Variants in SMARCA1 observed in about 807,000 individuals in gnomAD.
SMARCA1 encodes the protein SWI/SNF-related matrix-associated actin-dependent regulator of chromatin subfamily A member 1.
Under a neutral mutation model 93.6 loss-of-function variants are expected in SMARCA1, and 17 were observed. That is an observed-to-expected ratio of 0.18 (90% confidence interval 0.12 to 0.27). SMARCA1 has a LOEUF of 0.27. SMARCA1 is among the 10% of genes least tolerant of loss of function. SMARCA1 has a pLI of 1.00. For synonymous variants in SMARCA1, 271 were observed against 271.4 expected, an observed-to-expected ratio of 1.00 and a Z score of 0.01; for missense variants, 630 against 819.0, an observed-to-expected ratio of 0.77 and a Z score of 2.82.
intron 2 of SMARCA1, 71 bp downstream of exon 2, chrX:129,518,290 T>G (rs1935271943): frequency 1.7e-6 from 1 of 581,321 alleles, no homozygotes; most frequent in South Asian, 3.6e-5. Context: ...TACATGTATT[T>G]TTTCATCTTT....
chrX:129,489,549 CGTTT>C (rs746561641), intron 15 of SMARCA1, among the ~76,000 whole-genome samples: 85 of 111,974 alleles, frequency 7.6e-4, no homozygotes, highest in African/African-American at 1.2e-3. Context: ...ATTTTTTGTT[CGTTT>C]GTTTGTTTGT....
At chrX:129,511,363 G>A (rs1369691098) in intron 6 of SMARCA1, among the ~76,000 whole-genome samples, 1 of 111,965 alleles carries the variant, frequency 8.9e-6, no homozygotes, top group Non-Finnish European at 1.9e-5. Flanking sequence ...ACATGCATAT[G>A]CGTGTGTGTA....
At chrX:129,490,214 T>TA (rs1934068537) in intron 14 of SMARCA1, 22 bp from the exon 15 acceptor site, 1 of 1,117,854 alleles carries the variant, frequency 8.9e-7, no homozygotes, top group South Asian at 2.2e-5. Flanking sequence ...AGTTCTAATG[T>TA]AAGATATTGG....
At chrX:129,466,013 C>T (rs932775543) in intron 21 of SMARCA1, 51 bp from the exon 22 acceptor site, 2 of 599,808 alleles carry the variant, frequency 3.3e-6, no homozygotes, top group Non-Finnish European at 5.2e-6. Flanking sequence ...GCAAATAAAT[C>T]CAAGGAATTG....
chrX:129,457,819 T>C (rs965915747), intron 23 of SMARCA1, among the ~76,000 whole-genome samples: 6 of 112,131 alleles, frequency 5.4e-5, no homozygotes, highest in African/African-American at 1.6e-4. Flanking sequence ...CTATTCCATA[T>C]GACAATCTTT....
chrX:129,510,812 T>C (rs1055247553), intron 6 of SMARCA1, among the ~76,000 whole-genome samples: 19 of 112,073 alleles, frequency 1.7e-4, no homozygotes, highest in Non-Finnish European at 1.5e-4. Flanking sequence ...TCTAAGTGAC[T>C]AATTTGCTTT....
At chrX:129,466,697 G>C (rs1419915650) in intron 21 of SMARCA1, among the ~76,000 whole-genome samples, 1 of 110,170 alleles carries the variant, frequency 9.1e-6, no homozygotes, top group Non-Finnish European at 1.9e-5. Context: ...ATTATGAACA[G>C]GTTGTTCAAA....
At chrX:129,520,138 C>CGTGT (rs374631579) in intron 1 of SMARCA1, among the ~76,000 whole-genome samples, 34,070 of 96,357 alleles carry the variant, frequency 0.35, 5,053 homozygotes, top group Non-Finnish European at 0.41. Context: ...AACCTTCTCT[C>CGTGT]GTGTGTGTGT....
intron 12 of SMARCA1, among the ~76,000 whole-genome samples, chrX:129,493,585 G>A (rs186034512): frequency 9.9e-5 from 11 of 111,463 alleles, no homozygotes; most frequent in Non-Finnish European, 1.9e-4. Context: ...GCACCTTGGC[G>A]TAGAGGAAAT....
At chrX:129,499,660 G>A in intron 10 of SMARCA1, 72 bp downstream of exon 10, 1 of 541,834 alleles carries the variant, frequency 1.8e-6, no homozygotes, top group Non-Finnish European at 3.1e-6. Context: ...TGGCATAACT[G>A]AACAACTACA....
chrX:129,463,105 A>G (rs1932834162), intron 23 of SMARCA1, among the ~76,000 whole-genome samples: 1 of 111,895 alleles, frequency 8.9e-6, no homozygotes, highest in African/African-American at 3.2e-5. Context: ...TTAAAAAATT[A>G]GCAAAATATC....
At chrX:129,486,500 C>T (rs1180218594) in intron 17 of SMARCA1, among the ~76,000 whole-genome samples, 1 of 111,854 alleles carries the variant, frequency 8.9e-6, no homozygotes, top group Non-Finnish European at 1.9e-5. Flanking sequence ...AGTCCTTCTG[C>T]ATTTAAGTAA....
chrX:129,523,064 C>G, intron 1 of SMARCA1, 133 bp downstream of exon 1: 6 of 722,930 alleles, frequency 8.3e-6, no homozygotes, highest in South Asian at 2.7e-5. Context: ...CCGCCGCCGA[C>G]CCCCGCACCC....
At chrX:129,504,549 T>TAAAAAAAAAAAAAAAAAAAAAAAAAAAAA (rs780225300) in intron 9 of SMARCA1, among the ~76,000 whole-genome samples, 185 bp downstream of exon 9, 1 of 24,210 alleles carries the variant, frequency 4.1e-5, no homozygotes. Flanking sequence ...CATAGAGGAA[T>TAAAAAAAAAAAAAAAAAAAAAAAAAAAAA]AAAAAAAAAA....
At chrX:129,448,549 C>T in intron 23 of SMARCA1, 106 bp from the exon 24 acceptor site, 1 of 729,595 alleles carries the variant, frequency 1.4e-6, no homozygotes. Context: ...ATTTCCAAAA[C>T]TGCTATTTTT....
At chrX:129,450,094 ATGTGACTGTATTTGAAGATGGGGACT>A (rs1292721937) in intron 23 of SMARCA1, among the ~76,000 whole-genome samples, 2 of 112,564 alleles carry the variant, frequency 1.8e-5, no homozygotes, top group African/African-American at 3.2e-5. Context: ...CTAACCTTCA[ATGTGACTGTATTTGAAGATGGGGACT>A]TGTGACTGTA....
intron 23 of SMARCA1, among the ~76,000 whole-genome samples, chrX:129,458,371 A>G (rs1285427691): frequency 8.9e-6 from 1 of 112,391 alleles, no homozygotes; most frequent in Admixed American, 9.4e-5. Flanking sequence ...TTCACTTTAA[A>G]CAAAATTGTG....
intron 17 of SMARCA1, among the ~76,000 whole-genome samples, chrX:129,483,261 T>C (rs1428328646): frequency 8.9e-6 from 1 of 111,824 alleles, no homozygotes; most frequent in East Asian, 2.8e-4. Context: ...CCAGAGAATA[T>C]AAAACAGTGA....
chrX:129,476,765 G>T (rs1355783005), intron 19 of SMARCA1, among the ~76,000 whole-genome samples: 1 of 111,849 alleles, frequency 8.9e-6, no homozygotes, highest in Non-Finnish European at 1.9e-5. Flanking sequence ...GTGCAAGGGG[G>T]AAATAAAGCA....
Sources: allele counts gnomAD v4.1 joint callset (sites outside exome capture counted in the v4.1 genomes callset), GRCh38; gene constraint gnomAD v4.1.1; transcripts MANE v1.5; gene names NCBI Gene and HGNC (gene_info 2026-07-23, HGNC 2026-07-21).